Variants in SMOC1 observed in about 807,000 individuals in gnomAD.
SMOC1 encodes SPARC related modular calcium binding 1.
Under a neutral mutation model 56.3 loss-of-function variants are expected in SMOC1, and 22 were observed. That is an observed-to-expected ratio of 0.39 (90% confidence interval 0.28 to 0.56). The LOEUF (loss-of-function observed/expected upper bound fraction) is 0.56. SMOC1 is among the 20% of genes least tolerant of loss of function. The pLI, the probability that SMOC1 is intolerant of heterozygous loss-of-function variation, is 0.61. For synonymous variants in SMOC1, 193 were observed against 215.0 expected, an observed-to-expected ratio of 0.90 and a Z score of 0.89; for missense variants, 509 against 565.4, an observed-to-expected ratio of 0.90 and a Z score of 1.01.
chr14:69,940,505 C>T (rs1322405315), intron 1 of SMOC1, among the ~76,000 whole-genome samples: 2 of 152,172 alleles, frequency 1.3e-5, no homozygotes, highest in Non-Finnish European at 2.9e-5. Context: ...ATAAATTGCT[C>T]CTGCCAGGTG....
intron 3 of SMOC1, among the ~76,000 whole-genome samples, chr14:69,960,043 A>G (rs1473027085): frequency 6.6e-6 from 1 of 152,126 alleles, no homozygotes; most frequent in East Asian, 1.9e-4. Context: ...ACCTTGGTTT[A>G]CCGTCTGGTT....
intron 3 of SMOC1, 128 bp downstream of exon 3, chr14:69,953,660 C>T: frequency 1.3e-6 from 1 of 778,956 alleles, no homozygotes; most frequent in Non-Finnish European, 2.3e-6. Context: ...CTCTTCAACT[C>T]CCCTCTGTGC....
intron 10 of SMOC1, among the ~76,000 whole-genome samples, chr14:70,020,383 G>C (rs1467456215): frequency 1.3e-5 from 2 of 152,144 alleles, no homozygotes; most frequent in African/African-American, 4.8e-5. Context: ...GATGACCCTA[G>C]GGCTACCCAG....
chr14:69,892,749 G>T (rs1883996959), intron 1 of SMOC1, among the ~76,000 whole-genome samples: 1 of 152,162 alleles, frequency 6.6e-6, no homozygotes, highest in Non-Finnish European at 1.5e-5. Context: ...CTTATCATCT[G>T]TACATTTTCA....
At chr14:69,909,260 T>C (rs991125679) in intron 1 of SMOC1, among the ~76,000 whole-genome samples, 7 of 152,232 alleles carry the variant, frequency 4.6e-5, no homozygotes, top group African/African-American at 1.7e-4. Flanking sequence ...CCCTGAATCA[T>C]GGTGCATATT....
intron 7 of SMOC1, among the ~76,000 whole-genome samples, chr14:70,008,853 G>A (rs118009498): frequency 6.6e-6 from 1 of 152,338 alleles, no homozygotes; most frequent in Non-Finnish European, 1.5e-5. Context: ...CCAAATTGGG[G>A]TTGGGGGAGC....
At chr14:69,969,260 G>A (rs12185053) in intron 3 of SMOC1, among the ~76,000 whole-genome samples, 10,447 of 152,188 alleles carry the variant, frequency 0.069, 434 homozygotes, top group Middle Eastern at 0.15. Context: ...CCATTCTTGC[G>A]TTGCTATAAA....
In SMOC1 at chr14:69,986,381, T is replaced by C. The variant is rs545821895; in HGVS notation, c.527-6036T>C. On this transcript the variant is annotated intron_variant, in intron 5 of 11. Coordinates refer to ENST00000361956, the MANE Select transcript of SMOC1 (RefSeq NM_001034852.3). ...ACGTGGATAAAATTGCAGAGAACGA[T>C]ACACACAAATGAGTGCATTTAAAAC... Among the ~76,000 whole-genome samples the C allele has an allele frequency of 4.6e-5, 7 of 152,266 alleles. No individual in the cohort carries two copies. The South Asian group carries it at 1.0e-3, about 23-fold the overall frequency.
chr14:69,972,262 C>T (rs1012157232), intron 3 of SMOC1, among the ~76,000 whole-genome samples: 1 of 152,282 alleles, frequency 6.6e-6, no homozygotes, highest in Admixed American at 6.5e-5. Flanking sequence ...ACCTTGAAAA[C>T]TCCCTAGACA....
chr14:69,969,639 G>T (rs914049033), intron 3 of SMOC1, among the ~76,000 whole-genome samples: 1 of 152,186 alleles, frequency 6.6e-6, no homozygotes, highest in South Asian at 2.1e-4. Flanking sequence ...TTCAACATGA[G>T]ATTTGGATGG....
intron 1 of SMOC1, among the ~76,000 whole-genome samples, chr14:69,923,741 C>T (rs900301459): frequency 6.6e-6 from 1 of 152,222 alleles, no homozygotes; most frequent in Non-Finnish European, 1.5e-5. Context: ...TTTCTAGCTG[C>T]AGACAGTACC....
rs1430570161 is a variant in SMOC1 at position 70,032,347 on chromosome 14, T to TA, written c.*2095dup. 15 of 152,164 alleles carry TA rather than the reference T, an allele frequency of 9.9e-5. No homozygotes were observed. Among genetic ancestry groups the TA allele is most frequent in the Non-Finnish European group, 2.2e-4 (15 of 68,018 alleles). The allele number at this position is 152,164 out of a possible 1,614,324, so 9.4% of individuals were successfully genotyped here. A position where few individuals can be genotyped will look rare whatever the true frequency, so the allele number is the denominator to read the frequency against. ...TATTTGTAGCTTGTTTTATAAAAAATAAAAAATGGGTAAATCTTGGCGGCT... is the reference window on the plus strand; with the variant it reads ...TATTTGTAGCTTGTTTTATAAAAAATAAAAAAATGGGTAAATCTTGGCGGCT... On this transcript the variant is annotated 3_prime_UTR_variant, in exon 12 of 12. Transcript: ENST00000361956.
chr14:69,941,447 G>A (rs1318961276), intron 1 of SMOC1, among the ~76,000 whole-genome samples: 7 of 152,124 alleles, frequency 4.6e-5, no homozygotes, highest in Non-Finnish European at 1.0e-4. Flanking sequence ...CTACAGTGTG[G>A]CCACACTTAT....
intron 11 of SMOC1, among the ~76,000 whole-genome samples, chr14:70,024,323 C>T (rs149953137): frequency 3.5e-3 from 529 of 152,196 alleles, no homozygotes; most frequent in African/African-American, 0.012. Flanking sequence ...TTGAAGGAAG[C>T]GATGCCTAAA....
At chr14:70,003,076 G>A (rs1885026594) in intron 7 of SMOC1, among the ~76,000 whole-genome samples, 1 of 152,184 alleles carries the variant, frequency 6.6e-6, no homozygotes, top group South Asian at 2.1e-4. Context: ...TGAGGCTGGA[G>A]CCATGTGGTT....
chr14:70,027,263 C>T (rs1335259150), intron 11 of SMOC1, among the ~76,000 whole-genome samples: 1 of 152,194 alleles, frequency 6.6e-6, no homozygotes, highest in Non-Finnish European at 1.5e-5. Context: ...GGCCCAGCCT[C>T]AGGATTCCTG....
intron 3 of SMOC1, among the ~76,000 whole-genome samples, chr14:69,965,768 G>A (rs1179096289): frequency 6.6e-6 from 1 of 152,148 alleles, no homozygotes; most frequent in Non-Finnish European, 1.5e-5. Flanking sequence ...AAGAGCTAAT[G>A]TCCAATCAGG....
intron 5 of SMOC1, chr14:69,978,170 C>T (rs1053310112): frequency 6.4e-6 from 4 of 625,842 alleles, no homozygotes; most frequent in Admixed American, 4.8e-5. Flanking sequence ...CCCAGATTTC[C>T]CAAGGGAGGT....
chr14:70,007,425 G>C (rs1373745678), intron 7 of SMOC1, among the ~76,000 whole-genome samples: 1 of 152,232 alleles, frequency 6.6e-6, no homozygotes, highest in Non-Finnish European at 1.5e-5. Context: ...GAGGCAAAGA[G>C]AGAAAAATAT....
Sources: gnomAD v4.1 joint callset for allele counts (sites outside exome capture counted in the v4.1 genomes callset) on GRCh38, gnomAD v4.1.1 for gene constraint, MANE v1.5 for transcripts, NCBI Gene and HGNC (gene_info 2026-07-23, HGNC 2026-07-21) for gene names.